Variants in IGSF9B observed in about 807,000 individuals in gnomAD.
The protein encoded by IGSF9B is protein turtle homolog B.
A neutral mutation model predicts 143.7 loss-of-function variants in IGSF9B; 48 were observed. That is an observed-to-expected ratio of 0.33 (90% CI 0.26 to 0.42). The LOEUF (loss-of-function observed/expected upper bound fraction) is 0.42, where lower values mean the gene tolerates loss of function less well. Among genes scored for constraint, IGSF9B ranks in the 20% least tolerant of loss-of-function variants. IGSF9B has a pLI of 1.00. For missense variants in IGSF9B, 1,706 were observed against 1,980.0 expected (o/e 0.86, Z 2.63); for synonymous variants, 903 against 833.1 (o/e 1.08, Z -1.44).
chr11:133,940,299 CGCACGCGTCATCGCACGCAGAAACAT>C (rs1939918718), intron 3 of IGSF9B, among the ~76,000 whole-genome samples: 1 of 144,028 alleles, frequency 6.9e-6, no homozygotes, highest in Non-Finnish European at 1.5e-5. Flanking sequence ...CGCACGTCCT[CGCACGCGTCATCGCACGCAGAAACAT>C]ACACCTCGCA....
chr11:133,936,294 G>T (rs1939822044), intron 5 of IGSF9B, 100 bp from the exon 6 acceptor site: 1 of 1,051,262 alleles, frequency 9.5e-7, no homozygotes, highest in Non-Finnish European at 1.4e-6. Flanking sequence ...GCGGTGCCCT[G>T]AACACTGCGA....
In IGSF9B at chr11:133,901,975, CAT is replaced by C. The variant is rs1939135157; in HGVS notation, c.*7092_*7093del. On this transcript the variant is annotated 3_prime_UTR_variant, in exon 20 of 20. Coordinates refer to ENST00000533871, the MANE Select transcript of IGSF9B (RefSeq NM_001277285.4). ...ACACACATGCACACCGCATCACACA[CAT>C]GCACACCAGACACATCACACACACA... Among the ~76,000 whole-genome samples the C allele has an allele frequency of 8.1e-6, 1 of 123,308 alleles. No homozygotes were observed. The highest frequency in any genetic ancestry group is 3.5e-5 in the African/African-American group (1 of 28,578). 80.9% of individuals were successfully genotyped at this position (123,308 alleles called of 152,430 possible). A position where few individuals can be genotyped will look rare whatever the true frequency, so the allele number is the denominator to read the frequency against.
chr11:133,913,466 T>C lies in IGSF9B; in HGVS notation c.3984-1459A>G, dbSNP rs1316850161. 6.6e-6 allele frequency among the ~76,000 whole-genome samples: 1 copy of C among 152,202 alleles called. No individual in the cohort carries two copies. The highest frequency in any genetic ancestry group is 2.4e-5 in the African/African-American group (1 of 41,460). ...GGTCTCTGGGGTTTCCTGCATGCAC[T>C]GGCAATGCAGTGACCTCCATCTTCC... On this transcript the variant is annotated intron_variant, in intron 18 of 19. Coordinates refer to ENST00000533871, the MANE Select transcript of IGSF9B (RefSeq NM_001277285.4). The surrounding 1 kb of genome is among the most constrained non-coding windows in gnomAD (Gnocchi z 4.6).
intron 1 of IGSF9B, among the ~76,000 whole-genome samples, chr11:133,949,661 T>A (rs1420539139): frequency 1.3e-5 from 2 of 151,278 alleles, no homozygotes; most frequent in African/African-American, 4.9e-5. Flanking sequence ...TGTGTGTGTC[T>A]GTGTTCTGTC....
At chr11:133,954,583 A>G (rs572017145) in intron 1 of IGSF9B, among the ~76,000 whole-genome samples, 11 of 152,306 alleles carry the variant, frequency 7.2e-5, no homozygotes, top group African/African-American at 1.2e-4. Flanking sequence ...TTGTTTCCTT[A>G]TAACACTCAT....
Position 133,937,559 on chromosome 11 carries a change from C to T in IGSF9B, c.562-66G>A, listed in dbSNP as rs1174287796. The T allele has an allele frequency of 6.1e-6, 8 of 1,313,164 alleles. No individual in the cohort carries two copies. The African/African-American group carries it at 7.2e-5, about 12-fold the overall frequency. The allele number at this position is 1,313,164 out of a possible 1,614,324, so 81.3% of individuals were successfully genotyped here. A position where few individuals can be genotyped will look rare whatever the true frequency, so the allele number is the denominator to read the frequency against. On this transcript the variant is annotated intron_variant, in intron 4 of 19. Transcript: ENST00000533871. The stretch of plus-strand genomic sequence containing the variant: ...CACCCACCGCTGCTACCCTCAAACA[C>T]GGAGATGCAGTCGGAGACACTAAGG...
rs764070446 is a variant in IGSF9B, at chr11:133,920,107, T to C, written c.3618A>G (p.Gln1206=). Residue 1206 remains glutamine, a synonymous_variant, in exon 18 of 20, where the codon CAA becomes CAG. Coordinates refer to ENST00000533871, the MANE Select transcript of IGSF9B (RefSeq NM_001277285.4). ...LQPSRLSPLT[Q]SPLSSRTGSP... ...AGCCGGTGCGGGAGCTGAGGGGGCT[T>C]TGGGTCAGAGGTGAGAGCCGGGAGG... is the stretch of plus-strand genomic sequence containing the variant. The C allele has an allele frequency of 1.2e-5, 18 of 1,515,266 alleles. No homozygotes were observed. The Admixed American group carries it at 2.0e-4, about 17-fold the overall frequency. 93.9% of individuals were successfully genotyped at this position (1,515,266 alleles called of 1,614,324 possible).
At chr11:133,924,743 C>A in intron 15 of IGSF9B, 77 bp downstream of exon 15, 1 of 1,180,988 alleles carries the variant, frequency 8.5e-7, no homozygotes, top group South Asian at 1.3e-5. Flanking sequence ...GTGGAGTAGC[C>A]ATTTCACAAA....
chr11:133,951,295 G>A (rs778397351), intron 1 of IGSF9B, among the ~76,000 whole-genome samples: 17 of 152,194 alleles, frequency 1.1e-4, no homozygotes, highest in Non-Finnish European at 1.8e-4. Flanking sequence ...CACCCAACCC[G>A]ACAGCACCTC....
At position 133,920,686 on chromosome 11, in the gene IGSF9B, G is replaced by A. The variant is rs780245240; in HGVS notation, c.3039C>T (p.Pro1013=). Reference sequence around the variant, plus strand: ...TGGATGCATTCTCTCCATTCTCCTCGGGGATGGTGGGGTGGCCAAAGGGCC... The same window carrying A: ...TGGATGCATTCTCTCCATTCTCCTCAGGGATGGTGGGGTGGCCAAAGGGCC... ...TEGPFGHPTI[P]EENGENASNS... is the part of the protein sequence containing the mutation. Residue 1013 remains proline (P), a synonymous_variant, in exon 18 of 20, where the codon CCC becomes CCT. Transcript: ENST00000533871. 9 of 1,613,478 alleles carry A rather than the reference G, an allele frequency of 5.6e-6. No individual in the cohort carries two copies. Among genetic ancestry groups the A allele is most frequent in the Non-Finnish European group, 7.6e-6 (9 of 1,179,806 alleles).
At position 133,901,656 on chromosome 11, in the gene IGSF9B, C is replaced by G. The variant is rs1212091769; in HGVS notation, c.*7413G>C. ...TTATGTACAGTCTCCATAAAAAATA[C>G]ATTAAAGATGGTGCATTACTAATTT... On this transcript the variant is annotated 3_prime_UTR_variant, in exon 20 of 20. Transcript: ENST00000533871. 1 of 152,110 alleles carries G rather than the reference C, an allele frequency of 6.6e-6. No homozygotes were observed. The highest frequency in any genetic ancestry group is 2.4e-5 in the African/African-American group (1 of 41,400). The allele number at this position is 152,110 out of a possible 1,614,324, so 9.4% of individuals were successfully genotyped here.
chr11:133,941,799 G>A (rs766864181), intron 3 of IGSF9B, among the ~76,000 whole-genome samples: 1 of 152,124 alleles, frequency 6.6e-6, no homozygotes, highest in Admixed American at 6.5e-5. Context: ...CTGGGCTTCC[G>A]AGCACGCTTG....
intron 11 of IGSF9B, among the ~76,000 whole-genome samples, chr11:133,930,333 A>G (rs1185537648): frequency 6.6e-6 from 1 of 152,100 alleles, no homozygotes; most frequent in Non-Finnish European, 1.5e-5. Flanking sequence ...CCTACACTAG[A>G]GAAACCCCAG....
At chr11:133,927,785 G>A (rs1463791410) in intron 12 of IGSF9B, among the ~76,000 whole-genome samples, 3 of 152,198 alleles carry the variant, frequency 2.0e-5, no homozygotes, top group Admixed American at 6.5e-5. Context: ...CGTCACCACA[G>A]GGAGGAGACA....
Position 133,903,565 on chromosome 11 carries a change from CT to C in IGSF9B, c.*5503del, listed in dbSNP as rs1392057267. Among the ~76,000 whole-genome samples the C allele has an allele frequency of 1.3e-5, 2 of 152,208 alleles. No homozygotes were observed. Among genetic ancestry groups the C allele is most frequent in the African/African-American group, 4.8e-5 (2 of 41,444 alleles). ...AGATGTGAGCAGCCATTAATGACCC[CT>C]GTATGGATGCTTCATTTATCCTTAT... On this transcript the variant is annotated 3_prime_UTR_variant, in exon 20 of 20. Coordinates refer to ENST00000533871, the MANE Select transcript of IGSF9B (RefSeq NM_001277285.4).
In IGSF9B at chr11:133,953,582, GA is replaced by G. The variant is rs1010051524; in HGVS notation, c.64+3108del. Among the ~76,000 whole-genome samples, 1 of 152,240 alleles carries G rather than the reference GA, an allele frequency of 6.6e-6. No individual in the cohort carries two copies. Among genetic ancestry groups the G allele is most frequent in the Non-Finnish European group, 1.5e-5 (1 of 68,040 alleles). ...ATAGGTCAAGGCCAGGTAGAAAGTA[GA>G]GGGCAATGGCCCAACTACCAGCAGG... On this transcript the variant is annotated intron_variant, in intron 1 of 19. Transcript: ENST00000533871. This position sits in a 1 kb window ranked among gnomAD's most constrained non-coding sequence, Gnocchi z 4.2.
intron 12 of IGSF9B, among the ~76,000 whole-genome samples, chr11:133,927,522 A>G (rs1410510035): frequency 6.6e-6 from 1 of 152,212 alleles, no homozygotes; most frequent in African/African-American, 2.4e-5. Flanking sequence ...CCCCAGGGAC[A>G]GCTGAAGTAG....
At chr11:133,929,426 G>C (rs756909410) in intron 12 of IGSF9B, among the ~76,000 whole-genome samples, 126 of 152,318 alleles carry the variant, frequency 8.3e-4, no homozygotes, top group Non-Finnish European at 1.1e-3. Context: ...AGCAGGGAGA[G>C]GGCACAGAGA....
At chr11:133,944,461 T>A in intron 2 of IGSF9B, 95 bp from the exon 3 acceptor site, 1 of 1,276,500 alleles carries the variant, frequency 7.8e-7, no homozygotes. Flanking sequence ...GGACTCATCA[T>A]AATCTTCATA....
Sources: allele counts gnomAD v4.1 joint callset (sites outside exome capture counted in the v4.1 genomes callset), GRCh38; gene constraint gnomAD v4.1.1; non-coding constraint Gnocchi (gnomAD v3.1); transcripts MANE v1.5; gene names NCBI Gene and HGNC (gene_info 2026-07-23, HGNC 2026-07-21).